Variants in POTEE observed in about 807,000 individuals in gnomAD.
The protein encoded by POTEE is ANKRD26-like family C member 1A.
A neutral mutation model predicts 74.2 loss-of-function variants in POTEE; 21 were observed. The observed-to-expected ratio is 0.28, with a 90% CI of 0.20 to 0.41. The LOEUF (loss-of-function observed/expected upper bound fraction) is 0.41. Ranked by LOEUF, POTEE falls within the 10% of genes least tolerant of loss-of-function variation. The pLI is 1.00. For missense variants in POTEE, 525 were observed against 1,158.6 expected, an observed-to-expected ratio of 0.45 and a Z score of 7.94; for synonymous variants, 211 against 432.8, an observed-to-expected ratio of 0.49 and a Z score of 6.36.
At chr2:131,225,690 T>C (rs1010024019) in intron 6 of POTEE, among the ~76,000 whole-genome samples, 1 of 148,556 alleles carries the variant, frequency 6.7e-6, no homozygotes, top group African/African-American at 2.5e-5. Context: ...ACCTCAGTTT[T>C]TTTTTTTTTT....
intron 4 of POTEE, among the ~76,000 whole-genome samples, chr2:131,219,479 G>A (rs962602161): frequency 2.0e-5 from 3 of 152,060 alleles, no homozygotes; most frequent in Admixed American, 6.6e-5. Context: ...GGTGGCTCAC[G>A]CCTGTAATCC....
Position 131,209,548 on chromosome 2 carries a change from T to A in POTEE, c.-616T>A, listed in dbSNP as rs1370121476. Among the ~76,000 whole-genome samples the A allele has an allele frequency of 6.6e-6, 1 of 152,162 alleles. No homozygotes were observed. The highest frequency in any genetic ancestry group is 1.5e-5 in the Non-Finnish European group (1 of 68,016). ...GTGGCGTCAGGTCATTTCAGGCTCTTAAGTGTGGGCGTTTGGTAACCGGCA... is the reference window on the plus strand; with the variant it reads ...GTGGCGTCAGGTCATTTCAGGCTCTAAAGTGTGGGCGTTTGGTAACCGGCA... On this transcript the variant is annotated 5_prime_UTR_variant, in exon 1 of 18. Transcript: ENST00000683005.
intron 7 of POTEE, 148 bp from the exon 8 acceptor site, chr2:131,228,096 A>G (rs1700837182): frequency 1.4e-6 from 2 of 1,445,308 alleles, no homozygotes; most frequent in Admixed American, 2.7e-5. Flanking sequence ...TTTTACAAAG[A>G]TGAACACTTG....
chr2:131,230,259 T>C (rs1446905027), intron 8 of POTEE, among the ~76,000 whole-genome samples: 2 of 152,184 alleles, frequency 1.3e-5, no homozygotes, highest in African/African-American at 4.8e-5. Context: ...GAAGCAAAAT[T>C]AGGACTTAAT....
intron 13 of POTEE, among the ~76,000 whole-genome samples, chr2:131,245,792 A>G (rs1293526312): frequency 2.0e-5 from 1 of 51,138 alleles, no homozygotes; most frequent in Non-Finnish European, 5.7e-5. Flanking sequence ...TCTCATAGGA[A>G]GCACACAACC....
intron 9 of POTEE, 87 bp from the exon 10 acceptor site, chr2:131,236,645 G>C: frequency 1.3e-6 from 1 of 767,156 alleles, no homozygotes; most frequent in African/African-American, 2.0e-5. Context: ...GAAATAAAAT[G>C]TTGTCTTAAA....
chr2:131,221,321 C>T (rs1700610224), intron 4 of POTEE, among the ~76,000 whole-genome samples: 1 of 152,062 alleles, frequency 6.6e-6, no homozygotes, highest in African/African-American at 2.4e-5. Flanking sequence ...TGTCGACATG[C>T]AAAGATGTAC....
rs942991924 is a variant in POTEE at position 131,211,100 on chromosome 2, C to A, written c.-272C>A. On this transcript the variant is annotated 5_prime_UTR_variant, in exon 2 of 18. The change creates a premature stop within an existing upstream ORF in the 5' untranslated region. Coordinates refer to ENST00000683005, the MANE Select transcript of POTEE (RefSeq NM_001083538.3). ...GGAGGAGAAGGAATCACCTGTGGTA[C>A]GCTGGAGCCTGCATGTGGCGTGACT... Among the ~76,000 whole-genome samples, 6 of 151,612 alleles carry A rather than the reference C, an allele frequency of 4.0e-5. No homozygotes were observed. Among genetic ancestry groups the A allele is most frequent in the Non-Finnish European group, 8.8e-5 (6 of 68,022 alleles).
chr2:131,216,715 C>T (rs1700449619), intron 2 of POTEE, among the ~76,000 whole-genome samples: 1 of 126,144 alleles, frequency 7.9e-6, no homozygotes, highest in Non-Finnish European at 1.8e-5. Context: ...TAAAATATTA[C>T]TTGGCAATGA....
rs1372243212 is a variant in POTEE, at chr2:131,242,998, TAAG to T, written c.1410-2398_1410-2396del. On this transcript the variant is annotated intron_variant, in intron 12 of 17. Coordinates refer to ENST00000683005, the MANE Select transcript of POTEE (RefSeq NM_001083538.3). The stretch of plus-strand genomic sequence containing the variant: ...AGTTCTTTATTTAAAACCGCCTTTC[TAAG>T]AAGAAGAAGACAAAGGGTAAAAAGA... 2.5e-3 allele frequency among the ~76,000 whole-genome samples: 285 copies of T among 115,126 alleles called. 1 individual carries two copies. The highest frequency in any genetic ancestry group is 8.6e-3 in the African/African-American group (271 of 31,510). The allele number at this position is 115,126 out of a possible 152,430, so 75.5% of individuals were successfully genotyped here.
At chr2:131,224,282 A>AT (rs1372335695) in intron 6 of POTEE, among the ~76,000 whole-genome samples, 2 of 150,336 alleles carry the variant, frequency 1.3e-5, no homozygotes, top group African/African-American at 4.9e-5. Flanking sequence ...AAAACACTGA[A>AT]TTTGTAAAAG....
At chr2:131,234,195 T>C (rs66734834) in intron 9 of POTEE, among the ~76,000 whole-genome samples, 5 of 151,448 alleles carry the variant, frequency 3.3e-5, no homozygotes, top group East Asian at 1.9e-4. Context: ...AGTTGTTCCT[T>C]TTAGGGAATG....
chr2:131,237,409 G>T (rs531578924), intron 10 of POTEE, among the ~76,000 whole-genome samples: 2,513 of 151,726 alleles, frequency 0.017, 22 homozygotes, highest in African/African-American at 0.058. Flanking sequence ...GAGGGAACCA[G>T]GTCATAAAAG....
At chr2:131,218,057 C>T (rs1455080504) in intron 3 of POTEE, 5 of 390,548 alleles carry the variant, frequency 1.3e-5, no homozygotes, top group African/African-American at 1.1e-4. Context: ...TTTTCTCTCT[C>T]GTGTTCCTTT....
chr2:131,262,692 G>A (rs1442561066), intron 17 of POTEE, among the ~76,000 whole-genome samples: 8 of 151,990 alleles, frequency 5.3e-5, no homozygotes, highest in Middle Eastern at 3.2e-3. Flanking sequence ...TTTAAGAATC[G>A]CGATCTTAAA....
At chr2:131,211,403 G>A (rs1437496107) in intron 2 of POTEE, among the ~76,000 whole-genome samples, 2 of 150,840 alleles carry the variant, frequency 1.3e-5, no homozygotes, top group East Asian at 2.0e-4. Flanking sequence ...CAGTGGTGGA[G>A]GTGCACTTAG....
intron 2 of POTEE, among the ~76,000 whole-genome samples, 22 bp from the exon 3 acceptor site, chr2:131,217,567 A>G (rs1382469737): frequency 1.4e-5 from 2 of 146,400 alleles, no homozygotes; most frequent in Non-Finnish European, 1.5e-5. Context: ...CTCCTTTAAG[A>G]GGCTTTTTTT....
intron 4 of POTEE, among the ~76,000 whole-genome samples, chr2:131,222,982 G>A (rs558656014): frequency 4.0e-5 from 6 of 151,784 alleles, no homozygotes; most frequent in South Asian, 2.1e-4. Flanking sequence ...TTTAAATGCC[G>A]CAAATTATAG....
Position 131,218,590 on chromosome 2 carries a change from A to G in POTEE, c.188A>G (p.Lys63Arg), listed in dbSNP as rs147909369. Residue 63 changes from lysine (K) to arginine (R), a missense_variant, in exon 4 of 18, where the codon AAG becomes AGG. Lys to Arg is a conservative substitution (Grantham distance 26, BLOSUM62 2). Coordinates refer to ENST00000683005, the MANE Select transcript of POTEE (RefSeq NM_001083538.3). ...AAGACACTCAGGAGCAAGATGGGCA[A>G]GTGGTGCCACCACTGCTTCCCCTGC... is the stretch of plus-strand genomic sequence containing the variant. ...AMKTLRSKMGKWCHHCFPCCR... is the reference protein window; with the variant it reads ...AMKTLRSKMGRWCHHCFPCCR... 4,047 of 1,612,006 alleles carry G rather than the reference A, an allele frequency of 2.5e-3. 66 individuals carry two copies. The African/African-American group carries it at 0.048, about 19-fold the overall frequency.
Sources: gnomAD v4.1 joint callset for allele counts (sites outside exome capture counted in the v4.1 genomes callset) on GRCh38, gnomAD v4.1.1 for gene constraint, MANE v1.5 for transcripts, NCBI Gene and HGNC (gene_info 2026-07-23, HGNC 2026-07-21) for gene names.